ZNF385D: variants seen among roughly 807,000 people sequenced by gnomAD.
The protein encoded by ZNF385D is zinc finger protein 659.
ZNF385D carries 15 observed loss-of-function variants against 35.8 expected under a neutral mutation model. The observed-to-expected ratio is 0.42, with a 90% CI of 0.28 to 0.64. ZNF385D has a LOEUF of 0.64. Among genes scored for constraint, ZNF385D ranks in the 30% least tolerant of loss-of-function variants. The pLI is 0.23. For missense variants in ZNF385D, 474 were observed against 494.6 expected (o/e 0.96, Z 0.39); for synonymous variants, 212 against 186.8 (o/e 1.13, Z -1.10).
chr3:21,578,249 T>G (rs2063551584), intron 2 of ZNF385D, among the ~76,000 whole-genome samples: 1 of 152,226 alleles, frequency 6.6e-6, no homozygotes, highest in Non-Finnish European at 1.5e-5. Context: ...ATGAATAGTT[T>G]GCAAATATTT....
chr3:21,481,544 T>G (rs1704628086), intron 4 of ZNF385D, among the ~76,000 whole-genome samples: 1 of 152,128 alleles, frequency 6.6e-6, no homozygotes, highest in Admixed American at 6.6e-5. Context: ...GTTTTTTTCC[T>G]TCACAGACAG....
intron 4 of ZNF385D, 138 bp from the exon 5 acceptor site, chr3:21,437,341 A>T: frequency 1.4e-6 from 1 of 710,146 alleles, no homozygotes; most frequent in Non-Finnish European, 2.2e-6. Flanking sequence ...AGGATGCATC[A>T]ATCACCTCAC....
At chr3:21,686,371 T>TA (rs1047824925) in intron 1 of ZNF385D, among the ~76,000 whole-genome samples, 5 of 152,096 alleles carry the variant, frequency 3.3e-5, no homozygotes, top group Non-Finnish European at 7.4e-5. Context: ...CACGGAATTG[T>TA]AAAAAAATAA....
chr3:22,189,302 G>A (rs1248879810), intron 2 of ZNF385D, among the ~76,000 whole-genome samples: 2 of 152,092 alleles, frequency 1.3e-5, no homozygotes, highest in African/African-American at 4.8e-5. Flanking sequence ...GGCATAGATA[G>A]GAACCATACA....
intron 4 of ZNF385D, among the ~76,000 whole-genome samples, chr3:21,496,988 A>G (rs531976002): frequency 5.5e-4 from 84 of 152,254 alleles, no homozygotes; most frequent in African/African-American, 2.0e-3. Context: ...GAGAACCGAA[A>G]CAAGACAAGG....
intron 3 of ZNF385D, among the ~76,000 whole-genome samples, chr3:21,956,116 G>T (rs1702272218): frequency 6.6e-6 from 1 of 151,960 alleles, no homozygotes; most frequent in African/African-American, 2.4e-5. Context: ...GAGCCCAGGA[G>T]ATAGAGGCTG....
At chr3:21,826,534 C>T (rs1336560653) in intron 3 of ZNF385D, among the ~76,000 whole-genome samples, 1 of 152,126 alleles carries the variant, frequency 6.6e-6, no homozygotes, top group African/African-American at 2.4e-5. Flanking sequence ...AAGGAGTCCA[C>T]TTGAAAGTCA....
intron 3 of ZNF385D, among the ~76,000 whole-genome samples, chr3:22,143,384 A>G (rs1415472623): frequency 3.9e-5 from 6 of 152,164 alleles, no homozygotes; most frequent in Non-Finnish European, 7.3e-5. Flanking sequence ...AAAATCGGGC[A>G]TGTGTTTTAC....
intron 3 of ZNF385D, among the ~76,000 whole-genome samples, chr3:22,032,641 C>G (rs1698072336): frequency 6.6e-6 from 1 of 152,114 alleles, no homozygotes; most frequent in Non-Finnish European, 1.5e-5. Flanking sequence ...TAACATAGAT[C>G]TGGCAAATTA....
chr3:22,047,014 G>A (rs6550654), intron 3 of ZNF385D, among the ~76,000 whole-genome samples: 2 of 152,018 alleles, frequency 1.3e-5, no homozygotes, highest in South Asian at 4.1e-4. Context: ...ATTTTCAGGT[G>A]GCCAATAATG....
chr3:22,313,947 T>C (rs916837314), intron 2 of ZNF385D, among the ~76,000 whole-genome samples: 2 of 152,106 alleles, frequency 1.3e-5, no homozygotes, highest in Non-Finnish European at 2.9e-5. Flanking sequence ...AGTTATCCTA[T>C]TGCTTTGGGT....
chr3:21,882,337 CCA>C (rs59982156), intron 3 of ZNF385D, among the ~76,000 whole-genome samples: 2,575 of 152,078 alleles, frequency 0.017, 47 homozygotes, highest in East Asian at 0.05. Flanking sequence ...GCAAGACCTT[CCA>C]CCAACGAAAA....
At chr3:21,764,667 A>G (rs544198149) in intron 3 of ZNF385D, among the ~76,000 whole-genome samples, 15 of 152,304 alleles carry the variant, frequency 9.8e-5, no homozygotes, top group Admixed American at 3.9e-4. Flanking sequence ...AGCATTGAAT[A>G]CAAGAATGAA....
chr3:22,006,069 C>T (rs1200437850), intron 3 of ZNF385D, among the ~76,000 whole-genome samples: 1 of 151,940 alleles, frequency 6.6e-6, no homozygotes, highest in Non-Finnish European at 1.5e-5. Context: ...AAATACAGTC[C>T]AGGGTAGTCA....
At chr3:21,513,323 G>T (rs1054658384) in intron 3 of ZNF385D, among the ~76,000 whole-genome samples, 10 of 152,256 alleles carry the variant, frequency 6.6e-5, no homozygotes, top group African/African-American at 2.4e-4. Flanking sequence ...AGCTCAGGGA[G>T]TTGTGGGAAG....
rs187950791 is a variant in ZNF385D, at chr3:21,782,427, G to T, written c.326-117399C>A. On this transcript the variant is annotated intron_variant, in intron 3 of 5. Coordinates refer to the ZNF385D transcript ENST00000494108. ...AGGCATGGAGAGACTTAGGATGTTC[G>T]TTTAAGGTCACCAGTTAACTCAAGA... Among the ~76,000 whole-genome samples the T allele has an allele frequency of 2.8e-3, 420 of 152,140 alleles. 1 individual carries two copies. The highest frequency in any genetic ancestry group is 9.6e-3 in the African/African-American group (400 of 41,508).
chr3:22,031,054 A>T (rs1697966762), intron 3 of ZNF385D, among the ~76,000 whole-genome samples: 1 of 152,220 alleles, frequency 6.6e-6, no homozygotes, highest in South Asian at 2.1e-4. Context: ...ACATCCTGAT[A>T]CAAGGGGTGG....
chr3:22,356,376 C>A (rs904984684), intron 2 of ZNF385D, among the ~76,000 whole-genome samples: 6 of 151,894 alleles, frequency 4.0e-5, no homozygotes, highest in African/African-American at 1.4e-4. Context: ...CTTTTACTAT[C>A]CCTTGATTTT....
chr3:22,196,029 G>T (rs1257935180), intron 2 of ZNF385D, among the ~76,000 whole-genome samples: 1 of 152,002 alleles, frequency 6.6e-6, no homozygotes, highest in Non-Finnish European at 1.5e-5. Context: ...TTCGAGGGTG[G>T]AGGGTAAGAG....
Sources: gnomAD v4.1 joint callset for allele counts (sites outside exome capture counted in the v4.1 genomes callset) on GRCh38, gnomAD v4.1.1 for gene constraint, MANE v1.5 for transcripts, NCBI Gene and HGNC (gene_info 2026-07-23, HGNC 2026-07-21) for gene names.